Variants in PCDH15 observed in about 807,000 individuals in gnomAD.
PCDH15 encodes the protein protocadherin-15.
A neutral mutation model predicts 178.5 loss-of-function variants in PCDH15; 129 were observed. The observed-to-expected ratio is 0.72, with a 90% CI of 0.63 to 0.84. PCDH15 has a LOEUF of 0.84. Ranked by LOEUF, PCDH15 falls within the 40% of genes least tolerant of loss-of-function variation. The pLI is 0.00. For missense variants in PCDH15, 2,230 were observed against 2,099.9 expected (o/e 1.06, Z -1.21); for synonymous variants, 800 against 732.0 (o/e 1.09, Z -1.50).
chr10:54,161,618 G>A (rs2045724696), intron 13 of PCDH15, among the ~76,000 whole-genome samples: 1 of 126,004 alleles, frequency 7.9e-6, no homozygotes, highest in Non-Finnish European at 1.6e-5. Context: ...CTGTCTTGAA[G>A]CTTGAAACTT....
At chr10:55,189,283 CA>C (rs1385627952) in intron 1 of PCDH15, among the ~76,000 whole-genome samples, 1 of 151,814 alleles carries the variant, frequency 6.6e-6, no homozygotes, top group African/African-American at 2.4e-5. Context: ...AAAAAATTGA[CA>C]ATAGGAATTT....
chr10:55,527,121 T>C (rs1330666151), intron 2 of PCDH15, among the ~76,000 whole-genome samples: 3 of 152,038 alleles, frequency 2.0e-5, no homozygotes, highest in Non-Finnish European at 2.9e-5. Flanking sequence ...AGCAAGAAAA[T>C]AAAGAAAGAA....
At chr10:55,012,695 C>G (rs1334077351) in intron 2 of PCDH15, among the ~76,000 whole-genome samples, 1 of 152,160 alleles carries the variant, frequency 6.6e-6, no homozygotes, top group South Asian at 2.1e-4. Context: ...TAAACCATGT[C>G]TTTTTATTTA....
intron 3 of PCDH15, among the ~76,000 whole-genome samples, chr10:54,493,872 G>A (rs1410836665): frequency 6.6e-6 from 1 of 152,088 alleles, no homozygotes; most frequent in Non-Finnish European, 1.5e-5. Context: ...TTAAGAAAAT[G>A]TGGCACATAT....
chr10:55,059,779 G>T (rs1387837171), intron 2 of PCDH15, among the ~76,000 whole-genome samples: 1 of 151,898 alleles, frequency 6.6e-6, no homozygotes, highest in East Asian at 1.9e-4. Context: ...TGAAACACAG[G>T]CACTGATAAA....
At chr10:54,343,805 T>TA (rs1277828749) in intron 6 of PCDH15, among the ~76,000 whole-genome samples, 1 of 149,976 alleles carries the variant, frequency 6.7e-6, no homozygotes, top group Non-Finnish European at 1.5e-5. Context: ...TAATAAAAAA[T>TA]AAAAAATAAA....
At chr10:55,182,346 C>T (rs1056658642) in intron 1 of PCDH15, among the ~76,000 whole-genome samples, 8 of 151,922 alleles carry the variant, frequency 5.3e-5, no homozygotes, top group Non-Finnish European at 1.0e-4. Context: ...AATACACAGA[C>T]TTTCTCTTAC....
intron 1 of PCDH15, among the ~76,000 whole-genome samples, chr10:55,287,185 C>T (rs1338813606): frequency 1.3e-5 from 2 of 151,938 alleles, no homozygotes; most frequent in African/African-American, 4.8e-5. Context: ...GAAGAAGGTT[C>T]TACTCAAAAG....
chr10:55,435,271 C>T (rs535195388), intron 2 of PCDH15, among the ~76,000 whole-genome samples: 1 of 152,244 alleles, frequency 6.6e-6, no homozygotes, highest in African/African-American at 2.4e-5. Context: ...AAACAACCCA[C>T]ACTGGTTACC....
chr10:53,961,967 C>A, intron 21 of PCDH15, 75 bp from the exon 22 acceptor site: 1 of 1,188,168 alleles, frequency 8.4e-7, no homozygotes, highest in East Asian at 2.5e-5. Flanking sequence ...TTAAATGGAT[C>A]TTTAAAATTC....
intron 16 of PCDH15, among the ~76,000 whole-genome samples, chr10:54,085,540 C>T (rs1182437504): frequency 1.3e-5 from 2 of 152,036 alleles, no homozygotes; most frequent in African/African-American, 4.8e-5. Context: ...TGAATATTTG[C>T]TAAATCATAT....
At chr10:54,903,027 G>A (rs1954663046) in intron 2 of PCDH15, among the ~76,000 whole-genome samples, 1 of 152,078 alleles carries the variant, frequency 6.6e-6, no homozygotes, top group South Asian at 2.1e-4. Context: ...TTTTATCCTT[G>A]ATTTTTCAAA....
At chr10:55,604,554 C>A (rs1467633765) in intron 2 of PCDH15, among the ~76,000 whole-genome samples, 3 of 142,000 alleles carry the variant, frequency 2.1e-5, no homozygotes, top group South Asian at 2.4e-4. Flanking sequence ...TCTCTCAGAC[C>A]ACAGTGCAAT....
intron 2 of PCDH15, among the ~76,000 whole-genome samples, chr10:55,075,299 T>C (rs1841856882): frequency 6.6e-6 from 1 of 151,632 alleles, no homozygotes; most frequent in Non-Finnish European, 1.5e-5. Context: ...CAATTTTGTT[T>C]CTTGTTTATT....
In PCDH15 at chr10:53,867,000, GAT is replaced by G. The variant is rs538148163; in HGVS notation, c.3502-145_3502-144del. On this transcript the variant is annotated intron_variant, in intron 26 of 37. Coordinates refer to ENST00000644397, the MANE Select transcript of PCDH15 (RefSeq NM_001384140.1). ...CCCTCCTAAATGTCTGTTTTTTCTG[GAT>G]ATAGTTATGTAGATTAATAGACTTT... 1.2e-4 allele frequency: 78 copies of G among 644,338 alleles called. No individual in the cohort carries two copies. In the East Asian group the frequency reaches 2.0e-3, roughly 16 times the overall value. 39.9% of individuals were successfully genotyped at this position (644,338 alleles called of 1,614,324 possible). A position where few individuals can be genotyped will look rare whatever the true frequency, so the allele number is the denominator to read the frequency against.
At chr10:54,827,220 T>A (rs544902193) in intron 3 of PCDH15, among the ~76,000 whole-genome samples, 1 of 152,226 alleles carries the variant, frequency 6.6e-6, no homozygotes, top group Non-Finnish European at 1.5e-5. Context: ...AAGTGCTCTC[T>A]CAAAGAAATG....
chr10:55,622,991 T>C (rs1207994372), intron 2 of PCDH15, among the ~76,000 whole-genome samples: 4 of 152,156 alleles, frequency 2.6e-5, no homozygotes, highest in African/African-American at 9.7e-5. Flanking sequence ...GTGTTTGACA[T>C]TTCTGAAGCA....
chr10:54,622,645 A>ATAT (rs2093405234), intron 2 of PCDH15, among the ~76,000 whole-genome samples: 1 of 106,062 alleles, frequency 9.4e-6, no homozygotes, highest in Non-Finnish European at 1.8e-5. Flanking sequence ...TTATATAATT[A>ATAT]TATATATACT....
chr10:54,008,887 T>C (rs2092474450), intron 20 of PCDH15, among the ~76,000 whole-genome samples: 1 of 152,204 alleles, frequency 6.6e-6, no homozygotes, highest in Admixed American at 6.5e-5. Flanking sequence ...TATAGATCAC[T>C]CTCACCTTAG....
Sources: gnomAD v4.1 joint callset for allele counts (sites outside exome capture counted in the v4.1 genomes callset) on GRCh38, gnomAD v4.1.1 for gene constraint, MANE v1.5 for transcripts, NCBI Gene and HGNC (gene_info 2026-07-23, HGNC 2026-07-21) for gene names.